TMEM108: variants seen among roughly 807,000 people sequenced by gnomAD.
TMEM108 encodes cancer/testis antigen 124.
Under a neutral mutation model 35.1 loss-of-function variants are expected in TMEM108, and 12 were observed. That is an observed-to-expected ratio of 0.34 (90% CI 0.22 to 0.55). The LOEUF is 0.55. Ranked by LOEUF, TMEM108 falls within the 20% of genes least tolerant of loss-of-function variation. The probability of loss-of-function intolerance (pLI) is 0.89; values close to 1 mark genes in which losing one functional copy is unlikely to be tolerated. For missense variants in TMEM108, 680 were observed against 753.3 expected (o/e 0.90, Z 1.14); for synonymous variants, 287 against 308.6 (o/e 0.93, Z 0.73).
intron 3 of TMEM108, among the ~76,000 whole-genome samples, chr3:133,309,953 G>A (rs1329173303): frequency 5.2e-4 from 79 of 152,170 alleles, no homozygotes; most frequent in African/African-American, 1.9e-3. Context: ...ACCCTCCTCG[G>A]CCTCCCAAAG....
intron 2 of TMEM108, among the ~76,000 whole-genome samples, chr3:133,208,344 A>G (rs897863179): frequency 2.0e-5 from 3 of 152,192 alleles, no homozygotes; most frequent in Non-Finnish European, 1.5e-5. Context: ...GCCAGCCTAC[A>G]TAGTTAGCCA....
At chr3:133,260,213 T>C (rs1176567301) in intron 3 of TMEM108, among the ~76,000 whole-genome samples, 1 of 152,172 alleles carries the variant, frequency 6.6e-6, no homozygotes, top group Non-Finnish European at 1.5e-5. Flanking sequence ...GTCATCATTC[T>C]AGGTAGCTAA....
chr3:133,218,218 G>A (rs1025949956), intron 2 of TMEM108, among the ~76,000 whole-genome samples: 1 of 151,872 alleles, frequency 6.6e-6, no homozygotes, highest in Non-Finnish European at 1.5e-5. Flanking sequence ...TTTGTTGTTA[G>A]TGTATAGACA....
intron 2 of TMEM108, among the ~76,000 whole-genome samples, chr3:133,186,121 C>T (rs1389100794): frequency 1.3e-5 from 2 of 152,170 alleles, no homozygotes; most frequent in African/African-American, 4.8e-5. Context: ...ACAGAGTTGA[C>T]GTTATTTCCA....
chr3:133,389,107 G>A lies in TMEM108; in HGVS notation c.1451-1073G>A, dbSNP rs148698820. 5.2e-4 allele frequency: 510 copies of A among 985,610 alleles called. 4 individuals carry two copies. The African/African-American group carries it at 8.3e-3, about 16-fold the overall frequency. The allele number at this position is 985,610 out of a possible 1,614,324, so 61.1% of individuals were successfully genotyped here. A position where few individuals can be genotyped will look rare whatever the true frequency, so the allele number is the denominator to read the frequency against. ...CATGGCTTCTCCCCAAGAGGCCTCTGTCACCCTTGTCCTTGTGTTACCCTT... is the reference window on the plus strand; with the variant it reads ...CATGGCTTCTCCCCAAGAGGCCTCTATCACCCTTGTCCTTGTGTTACCCTT... On this transcript the variant is annotated intron_variant, in intron 4 of 5. Transcript: ENST00000321871.
intron 5 of TMEM108, among the ~76,000 whole-genome samples, chr3:133,392,104 G>C (rs965711266): frequency 1.3e-5 from 2 of 150,850 alleles, no homozygotes; most frequent in African/African-American, 4.9e-5. Context: ...TCTATTCACT[G>C]GAGCGCCCCA....
intron 3 of TMEM108, chr3:133,246,468 G>C (rs990822100): frequency 1.4e-5 from 2 of 139,800 alleles, no homozygotes; most frequent in African/African-American, 2.6e-5. Context: ...GTTTTATTCT[G>C]ATTTGTCCTA....
chr3:133,323,608 A>G (rs2107721388), intron 3 of TMEM108, among the ~76,000 whole-genome samples: 1 of 152,324 alleles, frequency 6.6e-6, no homozygotes, highest in South Asian at 2.1e-4. Flanking sequence ...GCCAAAAGCA[A>G]TCTACAGATT....
At chr3:133,225,620 A>G (rs563724787) in intron 2 of TMEM108, among the ~76,000 whole-genome samples, 1 of 152,312 alleles carries the variant, frequency 6.6e-6, no homozygotes, top group South Asian at 2.1e-4. Context: ...AATAGAAGGT[A>G]ATTCTGACTA....
chr3:133,236,930 CT>C (rs1459881321), intron 3 of TMEM108, among the ~76,000 whole-genome samples: 1 of 152,096 alleles, frequency 6.6e-6, no homozygotes, highest in Non-Finnish European at 1.5e-5. Flanking sequence ...AGCAATTTGA[CT>C]AAACTAAGTA....
intron 2 of TMEM108, among the ~76,000 whole-genome samples, chr3:133,060,430 A>T (rs577747125): frequency 6.6e-6 from 1 of 152,290 alleles, no homozygotes; most frequent in South Asian, 2.1e-4. Context: ...GGTGCTGAGA[A>T]AACTTCATTG....
chr3:133,132,909 A>G (rs1021423511), intron 2 of TMEM108, among the ~76,000 whole-genome samples: 1 of 152,174 alleles, frequency 6.6e-6, no homozygotes, highest in African/African-American at 2.4e-5. Context: ...GGAAGAGTTT[A>G]AGACTTCAGT....
At chr3:133,188,303 A>C (rs1030846103) in intron 2 of TMEM108, among the ~76,000 whole-genome samples, 10 of 152,144 alleles carry the variant, frequency 6.6e-5, no homozygotes, top group African/African-American at 2.4e-4. Context: ...AATAATTTGA[A>C]AGAGATTGGA....
chr3:133,390,090 G>T, intron 4 of TMEM108, 90 bp from the exon 5 acceptor site: 1 of 1,514,902 alleles, frequency 6.6e-7, no homozygotes, highest in South Asian at 1.2e-5. Context: ...ACTTACTCCA[G>T]CTGGGAACTC....
chr3:133,224,114 C>T (rs1014415778), intron 2 of TMEM108, among the ~76,000 whole-genome samples: 5 of 152,054 alleles, frequency 3.3e-5, no homozygotes, highest in Admixed American at 3.3e-4. Flanking sequence ...TATTAAACCA[C>T]AACTGTTTCT....
At chr3:133,379,593 C>A in intron 3 of TMEM108, 159 bp from the exon 4 acceptor site, 1 of 715,718 alleles carries the variant, frequency 1.4e-6, no homozygotes, top group East Asian at 2.5e-5. Flanking sequence ...CCCAGCTCCA[C>A]AGACAGTTCT....
chr3:133,061,133 G>T (rs1471148935), intron 2 of TMEM108, among the ~76,000 whole-genome samples: 1 of 151,726 alleles, frequency 6.6e-6, no homozygotes. Context: ...AATCTTAGCA[G>T]TGTTTTTTCC....
intron 3 of TMEM108, among the ~76,000 whole-genome samples, chr3:133,237,907 T>C (rs1305093823): frequency 6.6e-6 from 1 of 152,222 alleles, no homozygotes; most frequent in Non-Finnish European, 1.5e-5. Flanking sequence ...TACCAATAGA[T>C]ATAACCTATA....
chr3:133,048,260 G>A (rs1183522715), intron 2 of TMEM108, among the ~76,000 whole-genome samples: 2 of 152,180 alleles, frequency 1.3e-5, no homozygotes. Flanking sequence ...CGTCCCAAAT[G>A]ACTGCTAGTC....
Sources: gnomAD v4.1 joint callset for allele counts (sites outside exome capture counted in the v4.1 genomes callset) on GRCh38, gnomAD v4.1.1 for gene constraint, MANE v1.5 for transcripts, NCBI Gene and HGNC (gene_info 2026-07-23, HGNC 2026-07-21) for gene names.